The following PSD3 variants were observed in gnomAD, a reference collection of about 807,000 sequenced individuals.
PSD3 encodes the protein PH and SEC7 domain-containing protein 3.
A neutral mutation model predicts 105.5 loss-of-function variants in PSD3; 49 were observed. The observed-to-expected ratio is 0.46, with a 90% CI of 0.37 to 0.59. The LOEUF (loss-of-function observed/expected upper bound fraction) is 0.59, where lower values mean the gene tolerates loss of function less well. PSD3 is among the 20% of genes least tolerant of loss of function. The probability of loss-of-function intolerance (pLI) is 0.00; values close to 1 mark genes in which losing one functional copy is unlikely to be tolerated. For missense variants in PSD3, 1,561 were observed against 1,263.8 expected (o/e 1.24, Z -3.57); for synonymous variants, 557 against 457.8 (o/e 1.22, Z -2.77).
chr8:18,744,168 T>C (rs1156841414), intron 9 of PSD3, among the ~76,000 whole-genome samples: 2 of 152,264 alleles, frequency 1.3e-5, no homozygotes, highest in Non-Finnish European at 2.9e-5. Flanking sequence ...AATCATATTT[T>C]ATGAAGTATT....
intron 9 of PSD3, among the ~76,000 whole-genome samples, chr8:18,760,619 T>C (rs1157325720): frequency 1.3e-5 from 2 of 152,258 alleles, no homozygotes; most frequent in African/African-American, 4.8e-5. Flanking sequence ...ATCTACCACA[T>C]TTTATCCATT....
intron 1 of PSD3, among the ~76,000 whole-genome samples, chr8:19,027,850 C>T (rs749278331): frequency 2.6e-5 from 4 of 152,150 alleles, no homozygotes; most frequent in African/African-American, 2.4e-5. Flanking sequence ...AGTTGATGGA[C>T]ATTTGAGTAC....
intron 1 of PSD3, among the ~76,000 whole-genome samples, chr8:19,072,687 G>A (rs530338134): frequency 1.8e-4 from 28 of 152,344 alleles, no homozygotes; most frequent in African/African-American, 6.7e-4. Flanking sequence ...AAAGCATGCA[G>A]CCTAGGGTGA....
chr8:18,801,617 G>A (rs1184376564), intron 6 of PSD3, among the ~76,000 whole-genome samples: 1 of 152,100 alleles, frequency 6.6e-6, no homozygotes, highest in Non-Finnish European at 1.5e-5. Context: ...TTCACTTGAG[G>A]TCAGGGGTTC....
chr8:18,766,368 A>G (rs1318797506), intron 8 of PSD3, among the ~76,000 whole-genome samples: 1 of 152,196 alleles, frequency 6.6e-6, no homozygotes, highest in Non-Finnish European at 1.5e-5. Flanking sequence ...AGGTTTATAT[A>G]CACATACATA....
At chr8:18,831,551 G>C (rs147878232) in intron 4 of PSD3, among the ~76,000 whole-genome samples, 13,237 of 152,068 alleles carry the variant, frequency 0.087, 1,618 homozygotes, top group African/African-American at 0.27. Flanking sequence ...GTGAAACCCA[G>C]TCTCTACTAA....
At chr8:18,787,608 T>G (rs2129445944) in intron 8 of PSD3, among the ~76,000 whole-genome samples, 1 of 152,248 alleles carries the variant, frequency 6.6e-6, no homozygotes, top group East Asian at 1.9e-4. Context: ...TAATCAAAAG[T>G]CAAAATACTC....
chr8:18,933,106 T>A (rs1821850286), intron 2 of PSD3, among the ~76,000 whole-genome samples: 1 of 152,218 alleles, frequency 6.6e-6, no homozygotes, highest in Non-Finnish European at 1.5e-5. Context: ...TTAAATGTAT[T>A]TGTTCAACAA....
chr8:19,084,184 T>G (rs1829734045), intron 1 of PSD3: 2 of 431,046 alleles, frequency 4.6e-6, no homozygotes, highest in South Asian at 1.7e-5. Flanking sequence ...TCTGCTGGGA[T>G]TCAGGACATG....
At chr8:19,015,328 C>G (rs148155783), upstream of PSD3, among the ~76,000 whole-genome samples, 50 of 152,296 alleles carry the variant, frequency 3.3e-4, 1 homozygote, top group East Asian at 9.7e-3. Flanking sequence ...TCCAATAAAC[C>G]TCTTTCATTT....
intron 12 of PSD3, among the ~76,000 whole-genome samples, chr8:18,583,342 C>G (rs1382085390): frequency 6.6e-6 from 1 of 152,058 alleles, no homozygotes; most frequent in Non-Finnish European, 1.5e-5. Context: ...AGTTGGAGGA[C>G]TGCTTGATCC....
intron 9 of PSD3, among the ~76,000 whole-genome samples, chr8:18,722,309 T>G (rs896286386): frequency 6.6e-6 from 1 of 152,152 alleles, no homozygotes. Context: ...CACTCACCCT[T>G]ACCTTTGCTC....
intron 4 of PSD3, chr8:18,808,629 G>C (rs552284796): frequency 1.6e-6 from 2 of 1,257,342 alleles, no homozygotes; most frequent in African/African-American, 1.5e-5. Flanking sequence ...AAAGCACAAA[G>C]GATAAATATG....
chr8:18,540,703 C>A (rs151060857), intron 15 of PSD3, among the ~76,000 whole-genome samples: 1 of 152,160 alleles, frequency 6.6e-6, no homozygotes, highest in African/African-American at 2.4e-5. Flanking sequence ...TTGCCCTCCA[C>A]GTGCACTCCT....
In PSD3 at chr8:18,804,890, C is replaced by T. The variant is rs762637054; in HGVS notation, c.1643G>A (p.Gly548Glu). Reference sequence around the variant, plus strand: ...AGCTTCTAGCCGTGTTGTTTTCACCCCAGCATTGCTATGATAATTGATAAA... The same window carrying T: ...AGCTTCTAGCCGTGTTGTTTTCACCTCAGCATTGCTATGATAATTGATAAA... ...PEIAFWGSNA[G>E]VKTTRLEAHS... Residue 548 changes from glycine (G) to glutamate (E), a missense_variant, in exon 5 of 16, where the codon GGG becomes GAG. Coordinates refer to ENST00000327040, the MANE Select transcript of PSD3 (RefSeq NM_015310.4). 138 of 1,602,562 alleles carry T rather than the reference C, an allele frequency of 8.6e-5. No individual in the cohort carries two copies. In the East Asian group the frequency reaches 3.0e-3, roughly 35 times the overall value.
chr8:18,894,285 T>C (rs962517783), intron 2 of PSD3, among the ~76,000 whole-genome samples: 3 of 152,190 alleles, frequency 2.0e-5, no homozygotes, highest in Admixed American at 1.3e-4. Flanking sequence ...GATGCTTACT[T>C]CACGGGTTTT....
At chr8:18,789,975 C>G (rs566257430) in intron 8 of PSD3, among the ~76,000 whole-genome samples, 3 of 152,114 alleles carry the variant, frequency 2.0e-5, no homozygotes, top group Admixed American at 6.6e-5. Context: ...CCTCAATAAG[C>G]CCCACTGACA....
chr8:18,852,326 C>A (rs1279958750), intron 4 of PSD3, among the ~76,000 whole-genome samples: 1 of 152,218 alleles, frequency 6.6e-6, no homozygotes, highest in Non-Finnish European at 1.5e-5. Context: ...CAGCTACCAA[C>A]TCCTCGAGTG....
upstream of PSD3, among the ~76,000 whole-genome samples, chr8:19,015,388 C>T (rs759113557): frequency 6.6e-6 from 1 of 152,148 alleles, no homozygotes; most frequent in Admixed American, 6.5e-5. Context: ...TGAAAATGGA[C>T]GAATACAGGC....
Sources: gnomAD v4.1 joint callset for allele counts (sites outside exome capture counted in the v4.1 genomes callset) on GRCh38, gnomAD v4.1.1 for gene constraint, MANE v1.5 for transcripts, NCBI Gene and HGNC (gene_info 2026-07-23, HGNC 2026-07-21) for gene names.